The following GLG1 variants were observed in gnomAD, a reference collection of about 807,000 sequenced individuals.
GLG1 encodes the protein Golgi apparatus protein 1.
GLG1 carries 38 observed loss-of-function variants against 160.5 expected under a neutral mutation model. The observed-to-expected ratio is 0.24, with a 90% CI of 0.18 to 0.31. The LOEUF (loss-of-function observed/expected upper bound fraction) is 0.31, where lower values mean the gene tolerates loss of function less well. Among genes scored for constraint, GLG1 ranks in the 10% least tolerant of loss-of-function variants. The pLI is 1.00. For synonymous variants in GLG1, 644 were observed against 543.4 expected, an observed-to-expected ratio of 1.19 and a Z score of -2.57; for missense variants, 1,373 against 1,505.2, an observed-to-expected ratio of 0.91 and a Z score of 1.45.
intron 1 of GLG1, among the ~76,000 whole-genome samples, chr16:74,560,728 C>A (rs970052357): frequency 6.6e-6 from 1 of 151,634 alleles, no homozygotes; most frequent in Non-Finnish European, 1.5e-5. Context: ...AGGCCTGTAA[C>A]CCCAGCTACT....
intron 1 of GLG1, among the ~76,000 whole-genome samples, chr16:74,568,979 G>C (rs1266713404): frequency 6.6e-6 from 1 of 152,208 alleles, no homozygotes; most frequent in Non-Finnish European, 1.5e-5. Flanking sequence ...GAACACAGGA[G>C]AGCTCAAAAG....
intron 2 of GLG1, among the ~76,000 whole-genome samples, chr16:74,519,967 T>C (rs1014606414): frequency 2.0e-5 from 3 of 152,228 alleles, no homozygotes; most frequent in Non-Finnish European, 4.4e-5. Context: ...AAAAGTTATA[T>C]ATACTGAGAC....
chr16:74,516,368 G>A (rs1212437046), intron 2 of GLG1, among the ~76,000 whole-genome samples: 1 of 151,798 alleles, frequency 6.6e-6, no homozygotes, highest in Non-Finnish European at 1.5e-5. Flanking sequence ...TCAGACCACA[G>A]TGCAATCAAA....
At position 74,503,507 on chromosome 16, in the gene GLG1, T is replaced by G. The variant is rs1168176597; in HGVS notation, c.774+24A>C. 4 of 1,478,268 alleles carry G rather than the reference T, an allele frequency of 2.7e-6. No homozygotes were observed. The Admixed American group carries it at 6.7e-5, about 25-fold the overall frequency. The allele number at this position is 1,478,268 out of a possible 1,614,324, so 91.6% of individuals were successfully genotyped here. On this transcript the variant is annotated intron_variant, in intron 4 of 25. Coordinates refer to ENST00000422840, the MANE Select transcript of GLG1 (RefSeq NM_001145667.2). ...ACACCAAATTTTAAGACCCCTTTGT[T>G]GAAGCTAACGTAGTATTAGATACCT...
intron 23 of GLG1, 189 bp from the exon 24 acceptor site, chr16:74,458,183 T>C (rs2014637187): frequency 2.0e-6 from 1 of 511,056 alleles, no homozygotes; most frequent in South Asian, 3.2e-5. Flanking sequence ...AACTAACTAC[T>C]TTTAGGGATA....
chr16:74,480,556 T>A (rs968529047), intron 10 of GLG1, among the ~76,000 whole-genome samples, 162 bp from the exon 11 acceptor site: 1 of 151,858 alleles, frequency 6.6e-6, no homozygotes, highest in African/African-American at 2.4e-5. Flanking sequence ...AATTTTGTTC[T>A]TTTGTTTTTT....
chr16:74,498,448 G>GTATATATA (rs61033032), intron 4 of GLG1, among the ~76,000 whole-genome samples: 756 of 24,032 alleles, frequency 0.031, 179 homozygotes, highest in Non-Finnish European at 0.045. Context: ...AAAAAAAAAA[G>GTATATATA]TATATATATA....
Position 74,496,713 on chromosome 16 carries a change from T to TACACACAC in GLG1, c.775-77_775-70dup, listed in dbSNP as rs34221253. On this transcript the variant is annotated intron_variant, in intron 4 of 25. Coordinates refer to ENST00000422840, the MANE Select transcript of GLG1 (RefSeq NM_001145667.2). ...GGGTTTCAAATAAACAACATTTGGC[T>TACACACAC]ACACACACACACACACACACACACA... is the stretch of plus-strand genomic sequence containing the variant. The TACACACAC allele has an allele frequency of 4.9e-3, 3,025 of 617,310 alleles. 9 individuals are homozygous for TACACACAC. Among genetic ancestry groups the TACACACAC allele is most frequent in the Non-Finnish European group, 6.6e-3 (2,255 of 341,326 alleles). The allele number at this position is 617,310 out of a possible 1,614,324, so 38.2% of individuals were successfully genotyped here.
At chr16:74,575,778 T>C (rs1035780192) in intron 1 of GLG1, among the ~76,000 whole-genome samples, 5 of 152,166 alleles carry the variant, frequency 3.3e-5, no homozygotes, top group South Asian at 2.1e-4. Context: ...TGAGAAAATA[T>C]TGATTTCATA....
chr16:74,588,342 G>A (rs1372530577), intron 1 of GLG1, among the ~76,000 whole-genome samples: 3 of 152,138 alleles, frequency 2.0e-5, no homozygotes, highest in Admixed American at 6.5e-5. Context: ...AAATAACAGA[G>A]AAGCAATGTG....
At chr16:74,572,461 C>T (rs1252893160) in intron 1 of GLG1, among the ~76,000 whole-genome samples, 3 of 148,624 alleles carry the variant, frequency 2.0e-5, no homozygotes, top group African/African-American at 5.0e-5. Flanking sequence ...CAGTGTGAGC[C>T]GAGATCGCAC....
At chr16:74,550,534 T>C (rs1157788342) in intron 1 of GLG1, among the ~76,000 whole-genome samples, 2 of 152,174 alleles carry the variant, frequency 1.3e-5, no homozygotes. Context: ...AAAAACTCAA[T>C]GTGCTATTTT....
At chr16:74,604,614 A>G (rs12600208) in intron 1 of GLG1, among the ~76,000 whole-genome samples, 16,677 of 152,316 alleles carry the variant, frequency 0.11, 1,363 homozygotes, top group East Asian at 0.38. Context: ...CTGAACAGCA[A>G]ATACAAAACA....
At chr16:74,542,763 AAGG>A (rs1567514127) in intron 1 of GLG1, among the ~76,000 whole-genome samples, 2 of 79,024 alleles carry the variant, frequency 2.5e-5, no homozygotes, top group African/African-American at 1.3e-4. Context: ...GGAAGGAAGG[AAGG>A]AAGGAAGGAA....
At chr16:74,581,085 T>C (rs1957928166) in intron 1 of GLG1, among the ~76,000 whole-genome samples, 1 of 152,168 alleles carries the variant, frequency 6.6e-6, no homozygotes, top group Admixed American at 6.6e-5. Flanking sequence ...CAGTATGCCC[T>C]AACCTCAAAA....
chr16:74,508,000 G>A (rs1157397297), intron 3 of GLG1, among the ~76,000 whole-genome samples: 6 of 151,902 alleles, frequency 3.9e-5, no homozygotes, highest in Non-Finnish European at 7.4e-5. Flanking sequence ...AATATGAGGG[G>A]TCACTGCTTT....
intron 1 of GLG1, among the ~76,000 whole-genome samples, chr16:74,558,014 A>G (rs1425441236): frequency 6.6e-6 from 1 of 152,244 alleles, no homozygotes; most frequent in East Asian, 1.9e-4. Flanking sequence ...AGACACACAC[A>G]TAAGGAAAGC....
At chr16:74,455,402 C>T (rs1411936527) in intron 25 of GLG1, among the ~76,000 whole-genome samples, 26 of 152,186 alleles carry the variant, frequency 1.7e-4, no homozygotes, top group Non-Finnish European at 4.4e-5. Context: ...TACTCTGAGT[C>T]ACTCTGAAGC....
At chr16:74,478,653 T>C (rs140847471) in intron 11 of GLG1, among the ~76,000 whole-genome samples, 2,282 of 152,218 alleles carry the variant, frequency 0.015, 48 homozygotes, top group African/African-American at 0.051. Context: ...GGCTCACACC[T>C]GTAATCCCAG....
Sources: allele counts gnomAD v4.1 joint callset (sites outside exome capture counted in the v4.1 genomes callset), GRCh38; gene constraint gnomAD v4.1.1; transcripts MANE v1.5; gene names NCBI Gene and HGNC (gene_info 2026-07-23, HGNC 2026-07-21).